The following PABPC4L variants were observed in gnomAD, a reference collection of about 807,000 sequenced individuals.
PABPC4L encodes polyadenylate-binding protein 4-like.
For missense variants in PABPC4L, 452 were observed against 451.4 expected (o/e 1.00, Z -0.01); for synonymous variants, 169 against 164.1 (o/e 1.03, Z -0.23).
chr4:134,079,671 CTG>C, the PABPC4L span, among the ~76,000 whole-genome samples: 820 of 140,834 alleles, frequency 5.8e-3, 7 homozygotes, highest in African/African-American at 0.02. Context: ...GTGTGTATGT[CTG>C]TGTGTGTGTG....
the PABPC4L span, among the ~76,000 whole-genome samples, chr4:134,079,618 A>G: frequency 4.4e-5 from 6 of 135,194 alleles, no homozygotes; most frequent in Non-Finnish European, 9.7e-5. Context: ...AAAACTGTGC[A>G]TCTTTTAAAA....
chr4:134,127,729 T>C, the PABPC4L span, among the ~76,000 whole-genome samples: 4 of 152,056 alleles, frequency 2.6e-5, no homozygotes, highest in East Asian at 7.7e-4. Flanking sequence ...TCTGGTAATA[T>C]GATAAAACAA....
At chr4:134,004,688 T>A in the PABPC4L span, among the ~76,000 whole-genome samples, 1 of 151,900 alleles carries the variant, frequency 6.6e-6, no homozygotes, top group East Asian at 1.9e-4. Flanking sequence ...TTATTCACAA[T>A]AAACAAGATA....
the PABPC4L span, among the ~76,000 whole-genome samples, chr4:134,079,057 CGCCT>C: frequency 6.9e-6 from 1 of 145,190 alleles, no homozygotes; most frequent in South Asian, 2.3e-4. Context: ...CTGCAACCTT[CGCCT>C]CCTGTGTTCA....
the PABPC4L span, among the ~76,000 whole-genome samples, chr4:134,094,449 T>C: frequency 3.0e-3 from 463 of 152,078 alleles, 9 homozygotes; most frequent in Admixed American, 0.023. Context: ...TTTTGTGTAG[T>C]AAACTCACTT....
downstream of PABPC4L, among the ~76,000 whole-genome samples, chr4:134,193,444 A>G (rs1280334919): frequency 6.6e-6 from 1 of 151,932 alleles, no homozygotes; most frequent in Non-Finnish European, 1.5e-5. Context: ...TTTCCAAGAG[A>G]CTTACTCTTT....
At chr4:134,182,574 T>C in the PABPC4L span, among the ~76,000 whole-genome samples, 2 of 151,904 alleles carry the variant, frequency 1.3e-5, no homozygotes, top group South Asian at 2.1e-4. Context: ...CCAAAAGCAA[T>C]TGCAACAAAA....
the PABPC4L span, among the ~76,000 whole-genome samples, chr4:134,112,602 CTATCTATCTATCTATA>C: frequency 9.4e-4 from 141 of 150,334 alleles, 1 homozygote; most frequent in African/African-American, 3.3e-3. Flanking sequence ...ATCTATCTAT[CTATCTATCTATCTATA>C]TATCTATCTA....
chr4:134,194,943 T>C (rs933523120), downstream of PABPC4L, among the ~76,000 whole-genome samples: 6 of 151,878 alleles, frequency 4.0e-5, no homozygotes, highest in Admixed American at 1.3e-4. Flanking sequence ...AAGAATGATA[T>C]GATCAAATAG....
At chr4:134,061,620 C>CAGAGAGAG in the PABPC4L span, among the ~76,000 whole-genome samples, 48 of 143,460 alleles carry the variant, frequency 3.3e-4, no homozygotes, top group African/African-American at 6.7e-4. Flanking sequence ...CAAACATACA[C>CAGAGAGAG]AGAGAGAGAG....
the PABPC4L span, among the ~76,000 whole-genome samples, chr4:134,095,247 G>T: frequency 6.6e-6 from 1 of 151,702 alleles, no homozygotes; most frequent in Non-Finnish European, 1.5e-5. Flanking sequence ...TTGTTCTGAA[G>T]TACAAAAGAC....
the PABPC4L span, among the ~76,000 whole-genome samples, chr4:134,002,470 C>A: frequency 6.6e-6 from 1 of 151,792 alleles, no homozygotes; most frequent in Non-Finnish European, 1.5e-5. Context: ...TACATAAATA[C>A]AATTTAAGTC....
the PABPC4L span, among the ~76,000 whole-genome samples, chr4:134,027,595 A>C: frequency 6.6e-6 from 1 of 152,202 alleles, no homozygotes; most frequent in Non-Finnish European, 1.5e-5. Flanking sequence ...GTAAATACCC[A>C]GAAATAATAT....
chr4:134,061,271 A>C, the PABPC4L span, among the ~76,000 whole-genome samples: 42 of 152,120 alleles, frequency 2.8e-4, no homozygotes, highest in Middle Eastern at 3.4e-3. Flanking sequence ...TTTAAAAAAA[A>C]CCATAAAAAC....
chr4:134,115,339 A>G, the PABPC4L span, among the ~76,000 whole-genome samples: 6 of 151,848 alleles, frequency 4.0e-5, no homozygotes, highest in Non-Finnish European at 8.8e-5. Context: ...TCAATTAAAT[A>G]AGTGATGACT....
At chr4:133,991,191 C>T in the PABPC4L span, among the ~76,000 whole-genome samples, 354 of 152,208 alleles carry the variant, frequency 2.3e-3, no homozygotes, top group Admixed American at 0.014. Flanking sequence ...CCCCCAGGAG[C>T]GGGGGTCTAT....
the PABPC4L span, among the ~76,000 whole-genome samples, chr4:133,996,881 G>A: frequency 6.6e-6 from 1 of 152,280 alleles, no homozygotes; most frequent in South Asian, 2.1e-4. Flanking sequence ...CCCCCTAGTA[G>A]AGAGCAGTCC....
chr4:134,201,226 C>A lies in PABPC4L; in HGVS notation c.-207G>T. 1.3e-6 allele frequency: 2 copies of A among 1,539,180 alleles called. No homozygotes were observed. Among genetic ancestry groups the A allele is most frequent in the Non-Finnish European group, 1.8e-6 (2 of 1,140,760 alleles). On this transcript the variant is annotated 5_prime_UTR_variant, in exon 2 of 2. Coordinates refer to ENST00000421491, the MANE Select transcript of PABPC4L (RefSeq NM_001114734.2). ...TCCCCACAGCCACCAATCTGGCCCT[C>A]CTAGGACGCGGCAACAGAACTGTGA...
chr4:134,123,083 C>T, the PABPC4L span, among the ~76,000 whole-genome samples: 3 of 151,898 alleles, frequency 2.0e-5, no homozygotes, highest in African/African-American at 7.2e-5. Flanking sequence ...ACCTGTGAGC[C>T]TCTAGTCACG....
Sources: allele counts gnomAD v4.1 joint callset (sites outside exome capture counted in the v4.1 genomes callset), GRCh38; gene constraint gnomAD v4.1.1; transcripts MANE v1.5; gene names NCBI Gene and HGNC (gene_info 2026-07-23, HGNC 2026-07-21).